Variants in FRAS1 observed in about 807,000 individuals in gnomAD.
FRAS1 encodes Fraser extracellular matrix complex subunit 1.
In FRAS1, 290 loss-of-function variants were observed where a neutral mutation model predicts 435.2. The ratio of observed to expected loss-of-function variants is 0.67; its 90% CI spans 0.61 to 0.73. The LOEUF (loss-of-function observed/expected upper bound fraction) is 0.73. Ranked by LOEUF, FRAS1 falls within the 30% of genes least tolerant of loss-of-function variation. FRAS1 has a pLI of 0.00. For missense variants in FRAS1, 4,860 were observed against 5,001.5 expected (o/e 0.97, Z 0.85); for synonymous variants, 1,800 against 1,851.0 (o/e 0.97, Z 0.71).
intron 14 of FRAS1, among the ~76,000 whole-genome samples, chr4:78,305,349 G>A (rs1287181191): frequency 2.0e-5 from 3 of 151,436 alleles, no homozygotes; most frequent in African/African-American, 7.3e-5. Context: ...TTGATTTGGG[G>A]TGGAGAGTTC....
intron 2 of FRAS1, among the ~76,000 whole-genome samples, chr4:78,153,016 G>T (rs1206364954): frequency 6.6e-6 from 1 of 151,974 alleles, no homozygotes; most frequent in African/African-American, 2.4e-5. Context: ...TTGTTTGCCT[G>T]GATTGTTGCT....
intron 2 of FRAS1, among the ~76,000 whole-genome samples, chr4:78,182,896 G>A (rs10461185): frequency 0.049 from 6,785 of 137,434 alleles, 520 homozygotes; most frequent in African/African-American, 0.14. Context: ...AAGAAAAAAA[G>A]AAAAAAAAAA....
chr4:78,306,694 GC>G (rs1728731719), intron 14 of FRAS1, among the ~76,000 whole-genome samples: 2 of 150,088 alleles, frequency 1.3e-5, no homozygotes, highest in African/African-American at 4.9e-5. Flanking sequence ...TAGTTCTCGA[GC>G]CTTGGTTTTC....
chr4:78,371,757 A>G (rs891910482), intron 23 of FRAS1, among the ~76,000 whole-genome samples: 3 of 152,220 alleles, frequency 2.0e-5, no homozygotes, highest in African/African-American at 4.8e-5. Context: ...TACCAGCTAC[A>G]ACACTGGCTT....
chr4:78,412,919 G>C, intron 31 of FRAS1, 50 bp from the exon 32 acceptor site: 2 of 1,171,410 alleles, frequency 1.7e-6, no homozygotes, highest in Admixed American at 2.3e-5. Flanking sequence ...GTACTAACAT[G>C]CTCTGCTCAA....
intron 31 of FRAS1, among the ~76,000 whole-genome samples, chr4:78,410,112 A>G (rs1055342517): frequency 2.0e-5 from 3 of 152,210 alleles, no homozygotes; most frequent in Admixed American, 1.3e-4. Context: ...ACCTCAATCA[A>G]AAGAAGTCAC....
intron 2 of FRAS1, among the ~76,000 whole-genome samples, chr4:78,067,322 C>T (rs1453636424): frequency 6.6e-6 from 1 of 152,126 alleles, no homozygotes; most frequent in Non-Finnish European, 1.5e-5. Flanking sequence ...TGGACCAGAA[C>T]AAGACATCCT....
At chr4:78,307,039 T>A (rs982607879) in intron 14 of FRAS1, among the ~76,000 whole-genome samples, 33 of 152,304 alleles carry the variant, frequency 2.2e-4, no homozygotes, top group African/African-American at 7.2e-4. Context: ...ACAGATGGGT[T>A]TTTGGTGTGG....
At chr4:78,249,265 C>A (rs1175149716) in intron 4 of FRAS1, among the ~76,000 whole-genome samples, 3 of 147,318 alleles carry the variant, frequency 2.0e-5, no homozygotes, top group Non-Finnish European at 4.5e-5. Context: ...CATCATGCTG[C>A]ACACTTTGGA....
intron 2 of FRAS1, among the ~76,000 whole-genome samples, chr4:78,195,354 T>C (rs1366008263): frequency 2.0e-5 from 3 of 152,248 alleles, no homozygotes; most frequent in Non-Finnish European, 4.4e-5. Flanking sequence ...TGTTTGGCAT[T>C]GCCCTGCCCC....
In FRAS1 at chr4:78,252,445, G is replaced by T; in HGVS notation, c.363G>T (p.Gly121=). 1 of 1,613,758 alleles carries T rather than the reference G, an allele frequency of 6.2e-7. No individual in the cohort carries two copies. The highest frequency in any genetic ancestry group is 8.5e-7 in the Non-Finnish European group (1 of 1,179,792). Residue 121 remains glycine (G), a synonymous_variant, in exon 5 of 74, where the codon GGG becomes GGT. Transcript: ENST00000512123. The part of the protein sequence containing the change: ...SPCSVCSCNH[G]EVRCTPQPCP... ...GTAGTGTGTGCTCTTGCAATCATGG[G>T]GAAGTCCGATGTACCCCCCAACCAT...
chr4:78,372,073 A>C (rs1388994131), intron 23 of FRAS1, among the ~76,000 whole-genome samples: 1 of 152,200 alleles, frequency 6.6e-6, no homozygotes, highest in Non-Finnish European at 1.5e-5. Context: ...TGACTATCCC[A>C]TAGGTGCTTA....
chr4:78,258,642 T>C (rs1725913586), intron 6 of FRAS1, among the ~76,000 whole-genome samples: 1 of 147,684 alleles, frequency 6.8e-6, no homozygotes, highest in African/African-American at 2.5e-5. Flanking sequence ...TTTTTAGATA[T>C]TCTTTAAATT....
At position 78,533,985 on chromosome 4, in the gene FRAS1, G is replaced by A. The variant is rs562126790; in HGVS notation, c.10926-464G>A. 4.6e-5 allele frequency among the ~76,000 whole-genome samples: 7 copies of A among 152,302 alleles called. No homozygotes were observed. In the East Asian group the frequency reaches 1.3e-3, roughly 29 times the overall value. On this transcript the variant is annotated intron_variant, in intron 70 of 73. Coordinates refer to ENST00000512123, the MANE Select transcript of FRAS1 (RefSeq NM_025074.7). ...ACGGAAGGAAGGGGCTCAGGAAGAA[G>A]GCTGGGGAGGTAGGCACACAGAGCA... is the stretch of plus-strand genomic sequence containing the variant.
intron 20 of FRAS1, among the ~76,000 whole-genome samples, chr4:78,345,000 T>C (rs1321132286): frequency 1.3e-5 from 2 of 152,204 alleles, no homozygotes; most frequent in Non-Finnish European, 2.9e-5. Context: ...TGGAAGAATC[T>C]ACATAATTGT....
chr4:78,383,502 A>G (rs537914530), intron 27 of FRAS1, among the ~76,000 whole-genome samples: 3 of 152,324 alleles, frequency 2.0e-5, no homozygotes, highest in East Asian at 3.9e-4. Context: ...GCAAATCGCC[A>G]GGGAAGAATC....
intron 61 of FRAS1, among the ~76,000 whole-genome samples, chr4:78,506,982 ACCTTG>A (rs1163774303): frequency 6.6e-6 from 1 of 152,086 alleles, no homozygotes; most frequent in Non-Finnish European, 1.5e-5. Context: ...TTGGTAGATA[ACCTTG>A]AGCCACTACT....
chr4:78,518,618 A>G (rs1232276602), intron 66 of FRAS1, among the ~76,000 whole-genome samples: 1 of 152,080 alleles, frequency 6.6e-6, no homozygotes, highest in African/African-American at 2.4e-5. Flanking sequence ...TAAAATGAAA[A>G]TGATTGGGCC....
intron 62 of FRAS1, among the ~76,000 whole-genome samples, chr4:78,508,005 A>T (rs1162475622): frequency 6.6e-6 from 1 of 152,202 alleles, no homozygotes; most frequent in African/African-American, 2.4e-5. Flanking sequence ...AATACAATAC[A>T]ATTGATCTTC....
Sources: gnomAD v4.1 joint callset for allele counts (sites outside exome capture counted in the v4.1 genomes callset) on GRCh38, gnomAD v4.1.1 for gene constraint, MANE v1.5 for transcripts, NCBI Gene and HGNC (gene_info 2026-07-23, HGNC 2026-07-21) for gene names.